Variants in ATRNL1 observed in about 807,000 individuals in gnomAD.
The protein encoded by ATRNL1 is attractin-like protein 1.
A neutral mutation model predicts 182.7 loss-of-function variants in ATRNL1; 95 were observed. That is an observed-to-expected ratio of 0.52 (90% CI 0.44 to 0.62). The LOEUF is 0.62. Ranked by LOEUF, ATRNL1 falls within the 20% of genes least tolerant of loss-of-function variation. The pLI, the probability that ATRNL1 is intolerant of heterozygous loss-of-function variation, is 0.00. For missense variants in ATRNL1, 1,471 were observed against 1,679.5 expected, an observed-to-expected ratio of 0.88 and a Z score of 2.17; for synonymous variants, 576 against 568.3, an observed-to-expected ratio of 1.01 and a Z score of -0.19.
At chr10:115,830,985 A>G (rs1950546644) in intron 27 of ATRNL1, among the ~76,000 whole-genome samples, 1 of 152,178 alleles carries the variant, frequency 6.6e-6, no homozygotes, top group South Asian at 2.1e-4. Flanking sequence ...TGTGAGCACC[A>G]GTCCTTAGCC....
intron 19 of ATRNL1, among the ~76,000 whole-genome samples, chr10:115,361,850 C>T (rs1388680803): frequency 6.6e-6 from 1 of 151,988 alleles, no homozygotes; most frequent in Non-Finnish European, 1.5e-5. Flanking sequence ...ATTCCAGTTA[C>T]TTAAGGTTTA....
intron 28 of ATRNL1, among the ~76,000 whole-genome samples, chr10:115,849,999 A>G (rs1951017249): frequency 6.6e-6 from 1 of 152,208 alleles, no homozygotes; most frequent in South Asian, 2.1e-4. Context: ...AACTATGATG[A>G]GTATCTGCGT....
intron 24 of ATRNL1, among the ~76,000 whole-genome samples, chr10:115,483,171 A>T (rs969735615): frequency 6.6e-6 from 1 of 151,364 alleles, no homozygotes; most frequent in Non-Finnish European, 1.5e-5. Flanking sequence ...ATGGAAAGAC[A>T]TCTGCTCTTA....
chr10:115,911,443 G>T (rs1181236128), intron 28 of ATRNL1, among the ~76,000 whole-genome samples: 2 of 151,996 alleles, frequency 1.3e-5, no homozygotes, highest in Non-Finnish European at 2.9e-5. Context: ...TCAGCCTCCC[G>T]AGCAGCTGGG....
chr10:115,669,963 G>C (rs1555040891), intron 26 of ATRNL1, among the ~76,000 whole-genome samples: 1 of 151,946 alleles, frequency 6.6e-6, no homozygotes. Flanking sequence ...CCTTTTCTTT[G>C]ATTTAGAAAT....
At chr10:115,382,849 TA>T (rs1312269350) in intron 19 of ATRNL1, among the ~76,000 whole-genome samples, 1 of 151,870 alleles carries the variant, frequency 6.6e-6, no homozygotes, top group Non-Finnish European at 1.5e-5. Flanking sequence ...TGTGAGTTTT[TA>T]AAAAAATGCC....
At chr10:115,589,066 A>G (rs1855749894) in intron 26 of ATRNL1, among the ~76,000 whole-genome samples, 2 of 152,236 alleles carry the variant, frequency 1.3e-5, no homozygotes, top group Admixed American at 1.3e-4. Context: ...TAGATAAGAC[A>G]TAGAGATATG....
chr10:115,114,217 T>G (rs782179704), intron 1 of ATRNL1, among the ~76,000 whole-genome samples: 10 of 152,164 alleles, frequency 6.6e-5, no homozygotes, highest in Non-Finnish European at 1.2e-4. Flanking sequence ...AGAATGAAAT[T>G]AAACCCTTAT....
At chr10:115,134,382 A>C (rs1554876081) in intron 5 of ATRNL1, among the ~76,000 whole-genome samples, 1 of 152,216 alleles carries the variant, frequency 6.6e-6, no homozygotes, top group African/African-American at 2.4e-5. Context: ...AGAGATACAA[A>C]CAACCATCAG....
chr10:115,463,996 G>A (rs887526020), intron 22 of ATRNL1, among the ~76,000 whole-genome samples: 1 of 151,884 alleles, frequency 6.6e-6, no homozygotes, highest in African/African-American at 2.4e-5. Context: ...GTCCAGATTA[G>A]CCACAATTCT....
intron 1 of ATRNL1, among the ~76,000 whole-genome samples, chr10:115,119,403 T>A (rs1404308850): frequency 6.6e-6 from 1 of 152,034 alleles, no homozygotes; most frequent in Non-Finnish European, 1.5e-5. Context: ...TGTGTGTGTG[T>A]TTGCATATAT....
chr10:115,517,559 T>G (rs892662625), intron 24 of ATRNL1, among the ~76,000 whole-genome samples: 2 of 151,856 alleles, frequency 1.3e-5, no homozygotes, highest in Admixed American at 1.3e-4. Flanking sequence ...TGTTTATTAT[T>G]TTATTTGTTA....
chr10:115,157,266 C>A (rs1031157173), intron 5 of ATRNL1, among the ~76,000 whole-genome samples: 6 of 151,858 alleles, frequency 4.0e-5, no homozygotes, highest in African/African-American at 1.5e-4. Flanking sequence ...GCTTAGATGT[C>A]CTTAAGTGTA....
chr10:115,268,773 G>A (rs1465029919), intron 13 of ATRNL1, among the ~76,000 whole-genome samples: 1 of 152,156 alleles, frequency 6.6e-6, no homozygotes, highest in African/African-American at 2.4e-5. Context: ...ATATAGGTAG[G>A]TATTGAAATA....
intron 25 of ATRNL1, among the ~76,000 whole-genome samples, chr10:115,543,044 A>G (rs1852448998): frequency 1.3e-5 from 2 of 152,226 alleles, no homozygotes; most frequent in Non-Finnish European, 2.9e-5. Flanking sequence ...GGGCTTTAAC[A>G]TATGAATTTG....
At chr10:115,427,613 G>A (rs1038162010) in intron 21 of ATRNL1, among the ~76,000 whole-genome samples, 2 of 152,042 alleles carry the variant, frequency 1.3e-5, no homozygotes, top group Non-Finnish European at 2.9e-5. Flanking sequence ...TATATAGTAG[G>A]TGATGGATTG....
intron 20 of ATRNL1, among the ~76,000 whole-genome samples, chr10:115,397,630 G>T (rs1246928146): frequency 1.3e-5 from 2 of 151,916 alleles, no homozygotes; most frequent in Non-Finnish European, 2.9e-5. Flanking sequence ...AAAAATTTAA[G>T]TAGAGGATGT....
intron 27 of ATRNL1, among the ~76,000 whole-genome samples, chr10:115,803,156 G>A (rs1161756222): frequency 5.9e-5 from 9 of 152,172 alleles, no homozygotes; most frequent in Admixed American, 3.9e-4. Flanking sequence ...GCAGCTGAAA[G>A]TATTTTTAAT....
At chr10:115,160,485 C>A (rs1232199612) in intron 6 of ATRNL1, among the ~76,000 whole-genome samples, 16 of 146,952 alleles carry the variant, frequency 1.1e-4, no homozygotes, top group South Asian at 2.2e-4. Context: ...TACAGGCAGG[C>A]CTTTGCCTAT....
Sources: allele counts gnomAD v4.1 joint callset (sites outside exome capture counted in the v4.1 genomes callset), GRCh38; gene constraint gnomAD v4.1.1; transcripts MANE v1.5; gene names NCBI Gene and HGNC (gene_info 2026-07-23, HGNC 2026-07-21).